Variants in COBL observed in about 807,000 individuals in gnomAD.
COBL encodes the protein protein cordon-bleu.
A neutral mutation model predicts 98.8 loss-of-function variants in COBL; 51 were observed. That is an observed-to-expected ratio of 0.52 (90% CI 0.41 to 0.65). The LOEUF is 0.65. Ranked by LOEUF, COBL falls within the 30% of genes least tolerant of loss-of-function variation. The pLI, the probability that COBL is intolerant of heterozygous loss-of-function variation, is 0.00. For synonymous variants in COBL, 634 were observed against 651.7 expected (o/e 0.97, Z 0.41); for missense variants, 1,617 against 1,617.5 (o/e 1.00, Z 0.01).
intron 7 of COBL, among the ~76,000 whole-genome samples, chr7:51,067,206 G>A (rs1246807217): frequency 1.3e-5 from 2 of 152,074 alleles, no homozygotes; most frequent in African/African-American, 4.8e-5. Context: ...ACACGTGCAG[G>A]CACACACACA....
intron 1 of COBL, among the ~76,000 whole-genome samples, chr7:51,243,866 G>A (rs545956449): frequency 5.6e-4 from 85 of 152,278 alleles, no homozygotes; most frequent in African/African-American, 2.0e-3. Context: ...GCGGGCACCC[G>A]TGCCAGTGTC....
At chr7:51,191,533 A>G (rs892595398) in intron 3 of COBL, among the ~76,000 whole-genome samples, 3 of 150,538 alleles carry the variant, frequency 2.0e-5, no homozygotes, top group African/African-American at 7.3e-5. Flanking sequence ...ATATCTATAT[A>G]TGTACATAGA....
At chr7:51,264,443 G>C (rs759231396) in intron 1 of COBL, among the ~76,000 whole-genome samples, 2 of 152,036 alleles carry the variant, frequency 1.3e-5, no homozygotes, top group Non-Finnish European at 1.5e-5. Flanking sequence ...GGTCAACACG[G>C]GTGGATCACC....
intron 1 of COBL, among the ~76,000 whole-genome samples, chr7:51,269,001 G>GCCCTTCAGCAGGGAGTGCAC (rs1798499241): frequency 6.6e-6 from 1 of 151,522 alleles, no homozygotes; most frequent in Non-Finnish European, 1.5e-5. Context: ...AGTTGTGCCA[G>GCCCTTCAGCAGGGAGTGCAC]CCCTTCAGCA....
chr7:51,255,828 T>C (rs1204423782), intron 1 of COBL, among the ~76,000 whole-genome samples: 4 of 152,260 alleles, frequency 2.6e-5, no homozygotes, highest in African/African-American at 9.6e-5. Flanking sequence ...GCCCTGAATG[T>C]TGCCCCACCT....
At chr7:51,219,986 T>C in intron 1 of COBL, 42 bp from the exon 2 acceptor site, 1 of 1,563,308 alleles carries the variant, frequency 6.4e-7, no homozygotes, top group East Asian at 2.3e-5. Flanking sequence ...AGTGGCAATG[T>C]TCCTACCTGC....
chr7:51,137,486 C>A (rs1799348331), intron 5 of COBL, among the ~76,000 whole-genome samples: 1 of 151,776 alleles, frequency 6.6e-6, no homozygotes, highest in Non-Finnish European at 1.5e-5. Flanking sequence ...TTAGTGCTAG[C>A]TACTTGGGAT....
At chr7:51,220,812 C>T (rs1476163183) in intron 1 of COBL, among the ~76,000 whole-genome samples, 3 of 152,058 alleles carry the variant, frequency 2.0e-5, no homozygotes, top group Non-Finnish European at 4.4e-5. Flanking sequence ...TCAAGTAGGC[C>T]CTGGTTCTGA....
intron 1 of COBL, among the ~76,000 whole-genome samples, chr7:51,225,246 GAA>G (rs1271103589): frequency 7.2e-5 from 11 of 152,210 alleles, no homozygotes; most frequent in Admixed American, 2.6e-4. Flanking sequence ...ACTCGGTTGT[GAA>G]AAGTCATTAG....
intron 1 of COBL, among the ~76,000 whole-genome samples, chr7:51,295,313 G>A (rs994004981): frequency 6.7e-6 from 1 of 148,878 alleles, no homozygotes; most frequent in Admixed American, 6.7e-5. Context: ...CTACATGACA[G>A]GTTAGTAGGT....
intron 1 of COBL, among the ~76,000 whole-genome samples, chr7:51,256,454 AG>A (rs1310477948): frequency 2.0e-5 from 3 of 152,214 alleles, no homozygotes; most frequent in Non-Finnish European, 4.4e-5. Context: ...AATAACTCAC[AG>A]GCTGTGTCCA....
At chr7:51,269,075 G>A (rs1563108866) in intron 1 of COBL, among the ~76,000 whole-genome samples, 1 of 152,040 alleles carries the variant, frequency 6.6e-6, no homozygotes, top group African/African-American at 2.4e-5. Context: ...CCAGCACCCA[G>A]CCACCCGCTG....
At chr7:51,308,626 A>G (rs868121680) in intron 1 of COBL, among the ~76,000 whole-genome samples, 26 of 152,186 alleles carry the variant, frequency 1.7e-4, no homozygotes, top group Admixed American at 1.2e-3. Context: ...CGCTTTGCCA[A>G]TGCTCCTCAT....
chr7:51,242,817 T>G (rs1795918183), intron 1 of COBL, among the ~76,000 whole-genome samples: 1 of 152,126 alleles, frequency 6.6e-6, no homozygotes, highest in South Asian at 2.1e-4. Context: ...CCCAGGTGCT[T>G]CCTCTCTGGG....
chr7:51,103,672 TGAA>T (rs1796009560), intron 6 of COBL, among the ~76,000 whole-genome samples: 1 of 152,214 alleles, frequency 6.6e-6, no homozygotes, highest in Non-Finnish European at 1.5e-5. Context: ...TAGCTTACAA[TGAA>T]GATGTTTATT....
intron 1 of COBL, among the ~76,000 whole-genome samples, chr7:51,243,050 C>T (rs1055948939): frequency 2.6e-5 from 4 of 152,178 alleles, no homozygotes; most frequent in African/African-American, 9.7e-5. Context: ...CAATTTTCTG[C>T]GCTTGTTAAA....
chr7:51,017,086 T>A lies in COBL; in HGVS notation c.*465A>T. 2.4e-6 allele frequency: 1 copy of A among 416,260 alleles called. No homozygotes were observed. Among genetic ancestry groups the A allele is most frequent in the South Asian group, 1.0e-4 (1 of 9,954 alleles). The allele number at this position is 416,260 out of a possible 1,614,324, so 25.8% of individuals were successfully genotyped here. ...AAAACACACAGCATCATGGAGCATA[T>A]CACATTCAGATTGTTCCATCTGATT... On this transcript the variant is annotated 3_prime_UTR_variant, in exon 13 of 13. Coordinates refer to ENST00000265136, the MANE Select transcript of COBL (RefSeq NM_015198.5).
At chr7:51,096,361 A>G (rs762550277) in intron 6 of COBL, among the ~76,000 whole-genome samples, 23 of 152,222 alleles carry the variant, frequency 1.5e-4, no homozygotes, top group Admixed American at 1.3e-3. Context: ...CATGGGATTC[A>G]GGCAAAGCAA....
chr7:51,091,379 G>A (rs530353565), intron 6 of COBL, among the ~76,000 whole-genome samples: 14 of 152,144 alleles, frequency 9.2e-5, no homozygotes, highest in East Asian at 3.9e-4. Context: ...TAAAATAACC[G>A]AACTAAAAAG....
Sources: allele counts gnomAD v4.1 joint callset (sites outside exome capture counted in the v4.1 genomes callset), GRCh38; gene constraint gnomAD v4.1.1; transcripts MANE v1.5; gene names NCBI Gene and HGNC (gene_info 2026-07-23, HGNC 2026-07-21).